PCSK5: variants seen among roughly 807,000 people sequenced by gnomAD.
The protein encoded by PCSK5 is prohormone convertase 5.
Under a neutral mutation model 233.2 loss-of-function variants are expected in PCSK5, and 129 were observed. The ratio of observed to expected loss-of-function variants is 0.55; its 90% CI spans 0.48 to 0.64. The LOEUF is 0.64. Among genes scored for constraint, PCSK5 ranks in the 30% least tolerant of loss-of-function variants. PCSK5 has a pLI of 0.00. For missense variants in PCSK5, 2,076 were observed against 2,430.1 expected (o/e 0.85, Z 3.06); for synonymous variants, 825 against 879.2 (o/e 0.94, Z 1.09).
intron 20 of PCSK5, among the ~76,000 whole-genome samples, chr9:76,211,863 G>C (rs188206411): frequency 6.6e-6 from 1 of 151,924 alleles, no homozygotes; most frequent in East Asian, 1.9e-4. Flanking sequence ...AAAAATCAAA[G>C]TCATGCTCTT....
chr9:76,355,176 T>TA (rs1384196922), intron 37 of PCSK5, among the ~76,000 whole-genome samples: 7 of 152,176 alleles, frequency 4.6e-5, no homozygotes, highest in Admixed American at 1.3e-4. Context: ...TGATTCCTTC[T>TA]AAAAAAAGAA....
intron 24 of PCSK5, among the ~76,000 whole-genome samples, chr9:76,263,769 A>T (rs543463874): frequency 6.6e-6 from 1 of 152,118 alleles, no homozygotes; most frequent in African/African-American, 2.4e-5. Context: ...CCTAAAACTT[A>T]AAGTATAATA....
intron 22 of PCSK5, 67 bp from the exon 23 acceptor site, chr9:76,238,892 C>A: frequency 8.8e-7 from 1 of 1,139,798 alleles, no homozygotes; most frequent in Non-Finnish European, 1.3e-6. Context: ...TAATATCTTA[C>A]ATTATAATAG....
At chr9:75,926,941 G>A (rs1188738908) in intron 1 of PCSK5, among the ~76,000 whole-genome samples, 1 of 152,138 alleles carries the variant, frequency 6.6e-6, no homozygotes, top group Non-Finnish European at 1.5e-5. Flanking sequence ...ACGTTTATGA[G>A]TTTTGTCTAG....
intron 29 of PCSK5, among the ~76,000 whole-genome samples, chr9:76,309,229 A>T (rs926073882): frequency 1.3e-5 from 2 of 152,094 alleles, no homozygotes; most frequent in South Asian, 2.1e-4. Context: ...AAAAAGAAAA[A>T]AGTTTCTTAA....
At chr9:76,043,691 T>A (rs1199231535) in intron 5 of PCSK5, among the ~76,000 whole-genome samples, 1 of 152,176 alleles carries the variant, frequency 6.6e-6, no homozygotes, top group Non-Finnish European at 1.5e-5. Flanking sequence ...TAAAACTTTT[T>A]ATTTTATGTA....
chr9:76,166,342 CA>C (rs1231711996), intron 12 of PCSK5, among the ~76,000 whole-genome samples: 1 of 152,156 alleles, frequency 6.6e-6, no homozygotes, highest in Non-Finnish European at 1.5e-5. Flanking sequence ...GGCTTTGAAA[CA>C]CTTACTTGAA....
At position 75,976,998 on chromosome 9, in the gene PCSK5, G is replaced by T. The variant is rs537423125; in HGVS notation, c.298-9134G>T. On this transcript the variant is annotated intron_variant, in intron 2 of 37. Transcript: ENST00000674117. ...CTTGGCATTGACCATTGAAATGCTG[G>T]AGATGTCTTTTATTAGTCTGGGAGA... Among the ~76,000 whole-genome samples, 5 of 152,184 alleles carry T rather than the reference G, an allele frequency of 3.3e-5. No homozygotes were observed. The East Asian group carries it at 9.7e-4, about 29-fold the overall frequency.
chr9:76,311,457 A>C (rs894043926), intron 30 of PCSK5, among the ~76,000 whole-genome samples: 6 of 152,094 alleles, frequency 3.9e-5, no homozygotes, highest in Non-Finnish European at 7.4e-5. Context: ...ACCTCTTCTA[A>C]AGGTTTAAAT....
At chr9:75,991,826 A>G (rs1826779148) in intron 3 of PCSK5, among the ~76,000 whole-genome samples, 2 of 152,214 alleles carry the variant, frequency 1.3e-5, no homozygotes, top group African/African-American at 4.8e-5. Context: ...GGGACTACCA[A>G]TTGAGAAAGT....
chr9:76,114,297 T>C (rs1571791), intron 9 of PCSK5, among the ~76,000 whole-genome samples: 93,419 of 152,064 alleles, frequency 0.61, 28,848 homozygotes, highest in African/African-American at 0.65. Flanking sequence ...GTGAAATAAT[T>C]GTAACCAGAC....
chr9:76,134,347 A>T, intron 10 of PCSK5, 135 bp downstream of exon 10: 1 of 567,994 alleles, frequency 1.8e-6, no homozygotes, highest in Non-Finnish European at 3.0e-6. Flanking sequence ...TTGATCTTTT[A>T]GTAAATAAAA....
chr9:76,239,626 G>A (rs1826366382), intron 23 of PCSK5, among the ~76,000 whole-genome samples: 1 of 150,538 alleles, frequency 6.6e-6, no homozygotes, highest in Admixed American at 6.6e-5. Context: ...AACCCAGGAG[G>A]CAGAGGTTGC....
intron 21 of PCSK5, among the ~76,000 whole-genome samples, chr9:76,232,737 A>C (rs1826132221): frequency 6.6e-6 from 1 of 152,238 alleles, no homozygotes; most frequent in Admixed American, 6.5e-5. Flanking sequence ...AATGAAGCAA[A>C]ACTATAAAAA....
chr9:76,144,405 T>C (rs1489222742), intron 10 of PCSK5, among the ~76,000 whole-genome samples: 1 of 152,190 alleles, frequency 6.6e-6, no homozygotes, highest in East Asian at 1.9e-4. Flanking sequence ...CAGTCACATA[T>C]CATGAAAGAA....
At chr9:76,329,998 C>A (rs1416959138) in intron 33 of PCSK5, among the ~76,000 whole-genome samples, 1 of 152,002 alleles carries the variant, frequency 6.6e-6, no homozygotes, top group East Asian at 1.9e-4. Flanking sequence ...TCTCCACATG[C>A]CTTTCCTCGG....
intron 20 of PCSK5, among the ~76,000 whole-genome samples, chr9:76,199,088 C>G (rs1460005952): frequency 3.9e-5 from 6 of 152,196 alleles, no homozygotes; most frequent in Non-Finnish European, 7.3e-5. Context: ...AGTATACTTA[C>G]AGCCATTGTC....
chr9:75,949,657 A>G (rs1824752031), intron 2 of PCSK5, among the ~76,000 whole-genome samples: 1 of 151,998 alleles, frequency 6.6e-6, no homozygotes, highest in African/African-American at 2.4e-5. Flanking sequence ...CCTCCCAAGT[A>G]GCTGGGACTA....
intron 1 of PCSK5, among the ~76,000 whole-genome samples, chr9:75,923,102 A>C (rs1308132807): frequency 6.6e-6 from 1 of 152,206 alleles, no homozygotes; most frequent in African/African-American, 2.4e-5. Flanking sequence ...GTAAGTTTTA[A>C]ATAAAATCAA....
Sources: gnomAD v4.1 joint callset for allele counts (sites outside exome capture counted in the v4.1 genomes callset) on GRCh38, gnomAD v4.1.1 for gene constraint, MANE v1.5 for transcripts, NCBI Gene and HGNC (gene_info 2026-07-23, HGNC 2026-07-21) for gene names.